The following DDX10 variants were observed in gnomAD, a reference collection of about 807,000 sequenced individuals.
The protein encoded by DDX10 is DEAD-box helicase 10, also known as probable ATP-dependent RNA helicase DDX10.
Under a neutral mutation model 104.3 loss-of-function variants are expected in DDX10, and 74 were observed. That is an observed-to-expected ratio of 0.71 (90% CI 0.59 to 0.86). The LOEUF is 0.86. DDX10 is among the 40% of genes least tolerant of loss of function. DDX10 has a pLI of 0.00. For missense variants in DDX10, 952 were observed against 1,040.0 expected, an observed-to-expected ratio of 0.92 and a Z score of 1.16; for synonymous variants, 351 against 353.4, an observed-to-expected ratio of 0.99 and a Z score of 0.08.
chr11:108,737,221 A>G, intron 13 of DDX10, among the ~76,000 whole-genome samples: 1 of 152,208 alleles, frequency 6.6e-6, no homozygotes, highest in East Asian at 1.9e-4. Flanking sequence ...GTTTTAATAA[A>G]CCAAATTTTT....
chr11:108,830,189 A>G (rs1240162041), intron 13 of DDX10, among the ~76,000 whole-genome samples: 1 of 152,122 alleles, frequency 6.6e-6, no homozygotes, highest in Non-Finnish European at 1.5e-5. Context: ...CTACCCATTT[A>G]TGGGCATGGG....
chr11:108,876,962 A>C (rs550356596), intron 16 of DDX10, among the ~76,000 whole-genome samples: 5 of 152,270 alleles, frequency 3.3e-5, no homozygotes, highest in African/African-American at 1.2e-4. Context: ...TCTTGGTTTG[A>C]TAGTGGTTAG....
At chr11:108,922,709 G>A (rs1863851217) in intron 17 of DDX10, among the ~76,000 whole-genome samples, 1 of 152,246 alleles carries the variant, frequency 6.6e-6, no homozygotes, top group Admixed American at 6.5e-5. Context: ...TTTCAAAAGG[G>A]TTCTGATGTG....
intron 2 of DDX10, 57 bp downstream of exon 2, chr11:108,673,584 T>C: frequency 5.4e-6 from 7 of 1,295,378 alleles, no homozygotes; most frequent in Non-Finnish European, 6.6e-6. Context: ...TTTTGATAAA[T>C]GGGAGAAGAT....
At chr11:108,883,340 C>A (rs961180163) in intron 16 of DDX10, among the ~76,000 whole-genome samples, 3 of 152,148 alleles carry the variant, frequency 2.0e-5, no homozygotes, top group African/African-American at 7.2e-5. Context: ...ATATCATATT[C>A]TTTCCTGCAT....
rs1401586726 is a variant in DDX10 at position 108,665,318 on chromosome 11, C to T, written c.165C>T (p.Arg55=). 12 of 1,600,102 alleles carry T rather than the reference C, an allele frequency of 7.5e-6. No homozygotes were observed. In the South Asian group the frequency reaches 9.0e-5, roughly 12 times the overall value. The change falls in exon 1 of 18, where the codon CGC becomes CGT. Residue 55 remains arginine, a synonymous_variant. Coordinates refer to ENST00000322536, the MANE Select transcript of DDX10 (RefSeq NM_004398.4). The part of the protein sequence containing the change: ...EWQVERESIS[R]LMQNYEKINV... ...AGGTCGAGCGCGAGAGTATCAGCCG[C>T]CTCATGCAGAACTATGAAAAGGTGA...
intron 13 of DDX10, among the ~76,000 whole-genome samples, chr11:108,751,537 A>G (rs907109223): frequency 5.9e-5 from 9 of 152,152 alleles, no homozygotes; most frequent in African/African-American, 2.2e-4. Context: ...TCCAATGTAT[A>G]ATCCAATGTA....
chr11:108,857,850 C>T (rs1207189085), intron 16 of DDX10, among the ~76,000 whole-genome samples: 1 of 152,158 alleles, frequency 6.6e-6, no homozygotes, highest in Non-Finnish European at 1.5e-5. Flanking sequence ...AAAACTGAAG[C>T]AGAAGTTGCA....
chr11:108,707,801 C>G (rs970821200), intron 10 of DDX10, among the ~76,000 whole-genome samples: 17 of 152,136 alleles, frequency 1.1e-4, no homozygotes, highest in African/African-American at 3.9e-4. Flanking sequence ...AACCAAAAAG[C>G]TACAATTAGA....
chr11:108,771,348 T>G (rs1367848401), intron 13 of DDX10, among the ~76,000 whole-genome samples: 1 of 151,858 alleles, frequency 6.6e-6, no homozygotes, highest in Non-Finnish European at 1.5e-5. Context: ...TGCAGAAGTT[T>G]TTTCTTTTTT....
chr11:108,827,656 A>T (rs1862413526), intron 13 of DDX10, among the ~76,000 whole-genome samples: 1 of 152,126 alleles, frequency 6.6e-6, no homozygotes, highest in African/African-American at 2.4e-5. Context: ...GTTGATTTCT[A>T]TTGTGGGCCT....
intron 16 of DDX10, among the ~76,000 whole-genome samples, chr11:108,879,092 C>T (rs1170617895): frequency 6.6e-6 from 1 of 152,128 alleles, no homozygotes; most frequent in East Asian, 1.9e-4. Flanking sequence ...CAACCTCCGC[C>T]TCCCAGGTTC....
At chr11:108,853,798 T>C (rs555483165) in intron 16 of DDX10, among the ~76,000 whole-genome samples, 2 of 152,344 alleles carry the variant, frequency 1.3e-5, no homozygotes, top group South Asian at 4.1e-4. Flanking sequence ...TGTGTGTTTG[T>C]TTCCTGACAT....
chr11:108,814,368 A>G (rs1218748737), intron 13 of DDX10, among the ~76,000 whole-genome samples: 1 of 152,168 alleles, frequency 6.6e-6, no homozygotes, highest in Non-Finnish European at 1.5e-5. Flanking sequence ...AATTTGTGAA[A>G]TGTTGATTTT....
intron 13 of DDX10, among the ~76,000 whole-genome samples, chr11:108,775,022 A>G (rs754977391): frequency 2.6e-5 from 4 of 152,376 alleles, no homozygotes; most frequent in African/African-American, 9.6e-5. Flanking sequence ...GAAAGGAAAC[A>G]CTACCAACTA....
At chr11:108,883,503 C>T (rs1234569129) in intron 16 of DDX10, among the ~76,000 whole-genome samples, 2 of 152,000 alleles carry the variant, frequency 1.3e-5, no homozygotes, top group Non-Finnish European at 2.9e-5. Context: ...GCAATTTCTC[C>T]GTCTTTACCA....
intron 13 of DDX10, among the ~76,000 whole-genome samples, chr11:108,812,070 T>G (rs1486302349): frequency 2.0e-5 from 3 of 152,200 alleles, no homozygotes; most frequent in Non-Finnish European, 4.4e-5. Context: ...TGTTCCTGAT[T>G]TTCTTCTAGG....
chr11:108,837,119 A>G (rs1474088159), intron 13 of DDX10, among the ~76,000 whole-genome samples: 1 of 152,208 alleles, frequency 6.6e-6, no homozygotes, highest in Non-Finnish European at 1.5e-5. Flanking sequence ...GATTTATTGA[A>G]TACTTTTTCA....
intron 3 of DDX10, among the ~76,000 whole-genome samples, chr11:108,675,965 G>A (rs2094224505): frequency 6.6e-6 from 1 of 152,194 alleles, no homozygotes; most frequent in Non-Finnish European, 1.5e-5. Flanking sequence ...ATGAACTATT[G>A]TGCCTTGACA....
Sources: gnomAD v4.1 joint callset for allele counts (sites outside exome capture counted in the v4.1 genomes callset) on GRCh38, gnomAD v4.1.1 for gene constraint, MANE v1.5 for transcripts, NCBI Gene and HGNC (gene_info 2026-07-23, HGNC 2026-07-21) for gene names.